The following TNN variants were observed in gnomAD, a reference collection of about 807,000 sequenced individuals.
TNN encodes tenascin N, also known as tenascin-N.
Under a neutral mutation model 134.4 loss-of-function variants are expected in TNN, and 122 were observed. The observed-to-expected ratio is 0.91, with a 90% CI of 0.78 to 1.06. The LOEUF (loss-of-function observed/expected upper bound fraction) is 1.06, where lower values mean the gene tolerates loss of function less well. Ranked by LOEUF, TNN falls within the 50% of genes least tolerant of loss-of-function variation. TNN has a pLI of 0.00. For synonymous variants in TNN, 710 were observed against 670.3 expected (o/e 1.06, Z -0.91); for missense variants, 1,739 against 1,699.4 (o/e 1.02, Z -0.41).
intron 18 of TNN, among the ~76,000 whole-genome samples, chr1:175,146,165 A>G (rs939399578): frequency 3.9e-5 from 6 of 152,212 alleles, no homozygotes; most frequent in African/African-American, 1.4e-4. Context: ...TCATGGTGGC[A>G]GCGTGTGGGC....
intron 1 of TNN, among the ~76,000 whole-genome samples, chr1:175,077,102 G>C (rs1485029647): frequency 6.6e-6 from 1 of 152,204 alleles, no homozygotes; most frequent in African/African-American, 2.4e-5. Flanking sequence ...CAACACAAGA[G>C]AGCTGCTCTT....
In TNN at chr1:175,089,716, G is replaced by T. The variant is rs180785267; in HGVS notation, c.1324+4222G>T. Among the ~76,000 whole-genome samples the T allele has an allele frequency of 5.3e-5, 8 of 152,278 alleles. No individual in the cohort carries two copies. The East Asian group carries it at 1.5e-3, about 29-fold the overall frequency. ...GTATAAAACAAAGCATGCTTGCTTTGTTATAATTTCACAAGCTCCCATGCA... is the reference window on the plus strand; with the variant it reads ...GTATAAAACAAAGCATGCTTGCTTTTTTATAATTTCACAAGCTCCCATGCA... On this transcript the variant is annotated intron_variant, in intron 6 of 18. Coordinates refer to ENST00000239462, the MANE Select transcript of TNN (RefSeq NM_022093.2).
intron 1 of TNN, among the ~76,000 whole-genome samples, chr1:175,070,772 G>A (rs1673898330): frequency 6.6e-6 from 1 of 152,182 alleles, no homozygotes; most frequent in African/African-American, 2.4e-5. Flanking sequence ...AGATACAGAG[G>A]TGAAATCGGT....
chr1:175,109,129 C>T lies in TNN; in HGVS notation c.2120-7810C>T, dbSNP rs374810183. On this transcript the variant is annotated intron_variant, in intron 9 of 18. Transcript: ENST00000239462. ...CGGAGTCTCGCTCTGTCGCCCAGGC[C>T]GGACTGCGGACTGCAGTGGCGCAAT... is the stretch of plus-strand genomic sequence containing the variant. Among the ~76,000 whole-genome samples the T allele has an allele frequency of 1.6e-4, 19 of 115,902 alleles. No individual in the cohort carries two copies. In the East Asian group the frequency reaches 3.0e-3, roughly 18 times the overall value. The allele number at this position is 115,902 out of a possible 152,430, so 76.0% of individuals were successfully genotyped here. A position where few individuals can be genotyped will look rare whatever the true frequency, so the allele number is the denominator to read the frequency against.
chr1:175,121,803 T>C lies in TNN; in HGVS notation c.2651-1597T>C, dbSNP rs534656879. 2.0e-3 allele frequency among the ~76,000 whole-genome samples: 306 copies of C among 152,340 alleles called. 2 individuals are homozygous for C. Among genetic ancestry groups the C allele is most frequent in the African/African-American group, 7.2e-3 (299 of 41,582 alleles). ...CAACATGGGAGATTGGACTACCATT[T>C]CTTGAGAGGGGAGACTGAGAAATAA... On this transcript the variant is annotated intron_variant, in intron 11 of 18. Coordinates refer to ENST00000239462, the MANE Select transcript of TNN (RefSeq NM_022093.2).
In TNN at chr1:175,146,929, AG is replaced by A; in HGVS notation, c.3763del. The A allele has an allele frequency of 3.3e-6, 4 of 1,209,682 alleles. No homozygotes were observed. In the South Asian group the frequency reaches 6.1e-5, roughly 18 times the overall value. The allele number at this position is 1,209,682 out of a possible 1,614,324, so 74.9% of individuals were successfully genotyped here. The stretch of plus-strand genomic sequence containing the variant: ...ATGTGGCTTTTTTTTTTTTTTTGGT[AG>A]GGGGTGAACTGGGAGCCTTGGAAAG... On this transcript the variant is annotated splice_acceptor_variant, in intron 18 of 18. Transcript: ENST00000239462. LOFTEE classifies it high-confidence loss of function.
intron 7 of TNN, among the ~76,000 whole-genome samples, chr1:175,095,866 C>T (rs965790452): frequency 2.6e-5 from 4 of 152,234 alleles, no homozygotes; most frequent in Admixed American, 1.3e-4. Context: ...TGAGCCACCA[C>T]GCCCGGCCCA....
chr1:175,134,282 G>A (rs936708195), intron 15 of TNN, among the ~76,000 whole-genome samples: 5 of 152,206 alleles, frequency 3.3e-5, no homozygotes, highest in Middle Eastern at 3.4e-3. Context: ...TTGGCCAGGC[G>A]CAGTGGCTCA....
At chr1:175,083,489 G>A (rs193072258) in intron 4 of TNN, among the ~76,000 whole-genome samples, 9 of 152,296 alleles carry the variant, frequency 5.9e-5, no homozygotes, top group Admixed American at 5.9e-4. Context: ...AGTGTGGACA[G>A]GGAAGACCAC....
rs1365359203 is a variant in TNN at position 175,147,008 on chromosome 1, C to CA, written c.3838dup (p.Ser1280LysfsTer157). 1 of 1,603,896 alleles carries CA rather than the reference C, an allele frequency of 6.2e-7. No homozygotes were observed. Among genetic ancestry groups the CA allele is most frequent in the South Asian group, 1.1e-5 (1 of 90,406 alleles). On this transcript the variant is annotated frameshift_variant, in exon 19 of 19. Transcript: ENST00000239462. LOFTEE classifies it high-confidence loss of function. ...AGTTGAAAATCCGCCCTCATGGCTA[C>CA]AGCAGGGAGCCTGTCCTGGGCAGAA...
At chr1:175,091,750 G>A (rs531934156) in intron 6 of TNN, among the ~76,000 whole-genome samples, 14 of 151,996 alleles carry the variant, frequency 9.2e-5, no homozygotes, top group East Asian at 7.7e-4. Flanking sequence ...CACCCTGCCC[G>A]GCTAATTTTT....
rs906833120 is a variant in TNN, at chr1:175,113,926, A to T, written c.2120-3013A>T. Among the ~76,000 whole-genome samples, 4 of 152,052 alleles carry T rather than the reference A, an allele frequency of 2.6e-5. No individual in the cohort carries two copies. In the East Asian group the frequency reaches 7.7e-4, roughly 29 times the overall value. On this transcript the variant is annotated intron_variant, in intron 9 of 18. Transcript: ENST00000239462. Reference sequence around the variant, plus strand: ...TCTTTTTTGTGATATCTATCTCTTCACTGAATTTCTCATTCATATCATGTA... The same window carrying T: ...TCTTTTTTGTGATATCTATCTCTTCTCTGAATTTCTCATTCATATCATGTA...
intron 11 of TNN, among the ~76,000 whole-genome samples, chr1:175,119,114 G>C (rs1395933656): frequency 1.3e-5 from 2 of 152,230 alleles, no homozygotes; most frequent in African/African-American, 4.8e-5. Context: ...TGAGCCCATA[G>C]AGTAAAGTGA....
chr1:175,117,908 A>G (rs556934201), intron 10 of TNN, among the ~76,000 whole-genome samples: 7 of 152,374 alleles, frequency 4.6e-5, no homozygotes, highest in African/African-American at 1.7e-4. Flanking sequence ...AGTGGAAGCG[A>G]TATCTAACCA....
In TNN at chr1:175,077,831, A is replaced by G; in HGVS notation, c.409+4A>G. The G allele has an allele frequency of 6.2e-7, 1 of 1,607,340 alleles. No homozygotes were observed. The highest frequency in any genetic ancestry group is 8.5e-7 in the Non-Finnish European group (1 of 1,174,540). The stretch of plus-strand genomic sequence containing the variant: ...CGCTGCTGCCAGGGAGTCACTGGTG[A>G]GCTCACCACCTGGTATTCATTCAAC... On this transcript the variant is annotated splice_donor_region_variant and intron_variant, in intron 2 of 18. Transcript: ENST00000239462.
At position 175,097,575 on chromosome 1, in the gene TNN, A is replaced by T. The variant is rs184743436; in HGVS notation, c.1747A>T (p.Ser583Cys). 3.1e-6 allele frequency: 5 copies of T among 1,614,232 alleles called. No homozygotes were observed. The highest frequency in any genetic ancestry group is 3.4e-6 in the Non-Finnish European group (4 of 1,180,044). The change falls in exon 8 of 19, where the codon AGC becomes TGC. Residue 583 changes from serine to cysteine, a missense_variant. By Grantham distance (112) the Ser-to-Cys change is moderately radical (BLOSUM62 -1). Coordinates refer to ENST00000239462, the MANE Select transcript of TNN (RefSeq NM_022093.2). Reference protein sequence around the residue: ...TREVLVGKEQSSTVLTGLRPG... With the variant: ...TREVLVGKEQCSTVLTGLRPG... Reference sequence around the variant, plus strand: ...AGAGGTTCTGGTGGGGAAGGAGCAGAGCAGCACTGTCCTGACAGGCCTGAG... The same window carrying T: ...AGAGGTTCTGGTGGGGAAGGAGCAGTGCAGCACTGTCCTGACAGGCCTGAG...
intron 15 of TNN, 55 bp downstream of exon 15, chr1:175,128,801 G>T: frequency 7.1e-6 from 11 of 1,541,766 alleles, no homozygotes; most frequent in Non-Finnish European, 9.6e-6. Context: ...TCTCAGCCCA[G>T]GATGCCGGTC....
intron 11 of TNN, 148 bp downstream of exon 11, chr1:175,118,972 A>G (rs1675269077): frequency 1.7e-6 from 2 of 1,155,828 alleles, no homozygotes; most frequent in South Asian, 1.7e-5. Context: ...AAAACAAAAC[A>G]AAAACAAAAA....
At chr1:175,071,573 C>A (rs1290790788) in intron 1 of TNN, among the ~76,000 whole-genome samples, 1 of 152,212 alleles carries the variant, frequency 6.6e-6, no homozygotes. Flanking sequence ...CTTAAAAACA[C>A]ATGGCAGAAC....
Sources: allele counts gnomAD v4.1 joint callset (sites outside exome capture counted in the v4.1 genomes callset), GRCh38; gene constraint gnomAD v4.1.1; transcripts MANE v1.5; gene names NCBI Gene and HGNC (gene_info 2026-07-23, HGNC 2026-07-21).